The following CIAO2A variants were observed in gnomAD, a reference collection of about 807,000 sequenced individuals.
CIAO2A encodes the protein MIP18 family protein FAM96A.
In CIAO2A, 17 loss-of-function variants were observed where a neutral mutation model predicts 22.4. The ratio of observed to expected loss-of-function variants is 0.76; its 90% confidence interval spans 0.52 to 1.14. The LOEUF is 1.14. Among genes scored for constraint, CIAO2A ranks in the 50% most tolerant of loss-of-function variants. The pLI is 0.00. For synonymous variants in CIAO2A, 74 were observed against 72.3 expected (o/e 1.02, Z -0.12); for missense variants, 192 against 191.4 (o/e 1.00, Z -0.02).
rs527305764 is a variant in CIAO2A at position 64,093,741 on chromosome 15, A to G, written c.28T>C (p.Trp10Arg). 9.7e-5 allele frequency: 157 copies of G among 1,613,422 alleles called. No individual in the cohort carries two copies. In the South Asian group the frequency reaches 1.5e-3, roughly 16 times the overall value. Residue 10 changes from tryptophan (W) to arginine (R), a missense_variant, in exon 1 of 5, where the codon TGG becomes CGG. Trp to Arg is a moderately radical substitution (Grantham distance 101, BLOSUM62 -3). Transcript: ENST00000300030. MQRVSGLLS[W>R]TLSRVLWLSG... ...AGCCACAGGACTCTGCTCAGCGTCCAGGAGAGCAGCCCGGACACCCGCTGC... is the reference window on the plus strand; with the variant it reads ...AGCCACAGGACTCTGCTCAGCGTCCGGGAGAGCAGCCCGGACACCCGCTGC...
At position 64,081,147 on chromosome 15, in the gene CIAO2A, C is replaced by T; in HGVS notation, c.294G>A (p.Leu98=). The change falls in exon 3 of 5, where the codon CTG becomes CTA. Residue 98 remains leucine (L), a synonymous_variant. Transcript: ENST00000300030. ...PHCSLATLIG[L]CLRVKLQRCL... ...ATCGCTGAAGTTTTACTCTTAAGCACAGCCCTGTGGAGGGAAAATCACACC... is the reference window on the plus strand; with the variant it reads ...ATCGCTGAAGTTTTACTCTTAAGCATAGCCCTGTGGAGGGAAAATCACACC... 2 of 1,613,376 alleles carry T rather than the reference C, an allele frequency of 1.2e-6. No homozygotes were observed. Among genetic ancestry groups the T allele is most frequent in the Non-Finnish European group, 1.7e-6 (2 of 1,179,726 alleles).
chr15:64,090,594 A>G (rs2080833000), intron 1 of CIAO2A, among the ~76,000 whole-genome samples: 1 of 152,250 alleles, frequency 6.6e-6, no homozygotes, highest in Admixed American at 6.5e-5. Flanking sequence ...ATGGTTAATA[A>G]CATTAAATGC....
intron 1 of CIAO2A, among the ~76,000 whole-genome samples, chr15:64,092,129 A>G (rs183424988): frequency 1.3e-5 from 2 of 151,994 alleles, no homozygotes; most frequent in Admixed American, 1.3e-4. Flanking sequence ...CCACACTAAC[A>G]TTCTTCCACA....
intron 3 of CIAO2A, among the ~76,000 whole-genome samples, chr15:64,080,164 T>A (rs948895617): frequency 1.7e-4 from 26 of 149,762 alleles, no homozygotes; most frequent in Non-Finnish European, 7.4e-5. Context: ...AGGCAGTGGA[T>A]CACTTGAGGC....
At chr15:64,075,652 T>TA in intron 3 of CIAO2A, 115 bp from the exon 4 acceptor site, 8 of 544,680 alleles carry the variant, frequency 1.5e-5, no homozygotes, top group Non-Finnish European at 2.4e-5. Context: ...AAATCCTGTT[T>TA]CTTTTTTTTT....
At chr15:64,086,586 A>G (rs1427046549) in intron 2 of CIAO2A, among the ~76,000 whole-genome samples, 1 of 150,606 alleles carries the variant, frequency 6.6e-6, no homozygotes, top group Non-Finnish European at 1.5e-5. Flanking sequence ...TGCATTCAGC[A>G]TTCAGTAATG....
chr15:64,088,960 T>C (rs140765077), intron 1 of CIAO2A, 109 bp from the exon 2 acceptor site: 657 of 965,614 alleles, frequency 6.8e-4, no homozygotes, highest in Non-Finnish European at 9.2e-4. Context: ...TTTAAGCAAA[T>C]AGTACAGCAA....
At chr15:64,075,925 T>C (rs767941729) in intron 3 of CIAO2A, among the ~76,000 whole-genome samples, 32 of 152,046 alleles carry the variant, frequency 2.1e-4, no homozygotes, top group South Asian at 1.0e-3. Context: ...TCCCAAAGTG[T>C]TGGGATTACA....
intron 4 of CIAO2A, 99 bp from the exon 5 acceptor site, chr15:64,073,127 T>A: frequency 1.3e-6 from 1 of 749,434 alleles, no homozygotes; most frequent in Non-Finnish European, 2.2e-6. Context: ...CTTTAACTCC[T>A]TGAGAACTTA....
intron 1 of CIAO2A, among the ~76,000 whole-genome samples, chr15:64,093,257 G>A (rs2080857579): frequency 6.6e-6 from 1 of 152,214 alleles, no homozygotes; most frequent in African/African-American, 2.4e-5. Context: ...GTGTCCAGGA[G>A]CTAGAGAACG....
intron 3 of CIAO2A, among the ~76,000 whole-genome samples, chr15:64,080,638 C>T (rs1238714063): frequency 3.9e-5 from 6 of 152,098 alleles, no homozygotes; most frequent in South Asian, 4.2e-4. Context: ...GCTGAGATGG[C>T]GCCACTGAAC....
chr15:64,082,157 T>C (rs1021753852), intron 2 of CIAO2A, among the ~76,000 whole-genome samples: 3 of 152,218 alleles, frequency 2.0e-5, no homozygotes, highest in African/African-American at 7.2e-5. Context: ...AGAGAATTTT[T>C]TGAAAAATCC....
In CIAO2A at chr15:64,086,123, T is replaced by A. The variant is rs180784448; in HGVS notation, c.289+2564A>T. The stretch of plus-strand genomic sequence containing the variant: ...TAAATGTTAATTTTAAAAATGAATT[T>A]GCTGGCTGGGAGTGGTGGCTCACAC... On this transcript the variant is annotated intron_variant, in intron 2 of 4. Transcript: ENST00000300030. Among the ~76,000 whole-genome samples the A allele has an allele frequency of 3.9e-4, 59 of 151,800 alleles. No individual in the cohort carries two copies. In the East Asian group the frequency reaches 7.6e-3, roughly 20 times the overall value.
rs1249505642 is a variant in CIAO2A, at chr15:64,072,843, A to G, written c.*88T>C. The G allele has an allele frequency of 2.5e-6, 2 of 814,738 alleles. No homozygotes were observed. The highest frequency in any genetic ancestry group is 2.3e-5 in the Admixed American group (1 of 43,878). The allele number at this position is 814,738 out of a possible 1,614,324, so 50.5% of individuals were successfully genotyped here. A position where few individuals can be genotyped will look rare whatever the true frequency, so the allele number is the denominator to read the frequency against. Reference sequence around the variant, plus strand: ...AAATACTCTGAGGTACAAATCACCTATGTATTAAACATGAGTCTCTGACAT... The same window carrying G: ...AAATACTCTGAGGTACAAATCACCTGTGTATTAAACATGAGTCTCTGACAT... On this transcript the variant is annotated 3_prime_UTR_variant, in exon 5 of 5. Coordinates refer to ENST00000300030, the MANE Select transcript of CIAO2A (RefSeq NM_032231.7).
rs201610446 is a variant in CIAO2A, at chr15:64,093,754, G to A, written c.15C>T (p.Ser5=). ...TGCTCAGCGTCCAGGAGAGCAGCCCGGACACCCGCTGCATCTTCACGCTCA... is the reference window on the plus strand; with the variant it reads ...TGCTCAGCGTCCAGGAGAGCAGCCCAGACACCCGCTGCATCTTCACGCTCA... MQRV[S]GLLSWTLSRV... Residue 5 remains serine, a synonymous_variant, in exon 1 of 5, where the codon TCC becomes TCT. Coordinates refer to ENST00000300030, the MANE Select transcript of CIAO2A (RefSeq NM_032231.7). The A allele has an allele frequency of 6.8e-6, 11 of 1,611,442 alleles. No homozygotes were observed. In the East Asian group the frequency reaches 8.9e-5, roughly 13 times the overall value.
chr15:64,084,828 C>G (rs2080781531), intron 2 of CIAO2A, among the ~76,000 whole-genome samples: 1 of 151,920 alleles, frequency 6.6e-6, no homozygotes, highest in Non-Finnish European at 1.5e-5. Context: ...CGCGGTGGCT[C>G]ACACCTGTAA....
At chr15:64,083,256 C>T (rs1019524915) in intron 2 of CIAO2A, among the ~76,000 whole-genome samples, 1 of 151,870 alleles carries the variant, frequency 6.6e-6, no homozygotes, top group Non-Finnish European at 1.5e-5. Flanking sequence ...TTTCATTTTA[C>T]AGCCAAGAAA....
intron 3 of CIAO2A, among the ~76,000 whole-genome samples, chr15:64,079,302 A>G (rs1054635420): frequency 1.3e-5 from 2 of 152,160 alleles, no homozygotes; most frequent in Non-Finnish European, 2.9e-5. Flanking sequence ...ACACTTTGAG[A>G]GGCCAAGGCA....
intron 4 of CIAO2A, chr15:64,073,855 G>A (rs1429280457): frequency 6.6e-6 from 1 of 152,130 alleles, no homozygotes; most frequent in Non-Finnish European, 1.5e-5. Context: ...CTCTCGCCTT[G>A]GCCTCCCAAA....
Sources: gnomAD v4.1 joint callset for allele counts (sites outside exome capture counted in the v4.1 genomes callset) on GRCh38, gnomAD v4.1.1 for gene constraint, MANE v1.5 for transcripts, NCBI Gene and HGNC (gene_info 2026-07-23, HGNC 2026-07-21) for gene names.